The following MYO15B variants were observed in gnomAD, a reference collection of about 807,000 sequenced individuals.
MYO15B encodes myosin XVB.
Under a neutral mutation model 119.3 loss-of-function variants are expected in MYO15B, and 207 were observed. That is an observed-to-expected ratio of 1.73 (90% CI 1.55 to 1.95). The LOEUF (loss-of-function observed/expected upper bound fraction) is 1.95, where lower values mean the gene tolerates loss of function less well. MYO15B is among the 30% of genes most tolerant of loss of function. MYO15B has a pLI of 0.00. For synonymous variants in MYO15B, 966 were observed against 498.9 expected (o/e 1.94, Z -12.48); for missense variants, 2,264 against 1,203.1 (o/e 1.88, Z -13.04).
Position 75,595,155 on chromosome 17 carries a change from G to A in MYO15B, c.3297+183G>A, listed in dbSNP as rs114903833. 748 of 607,258 alleles carry A rather than the reference G, an allele frequency of 1.2e-3. 7 individuals carry two copies. The highest frequency in any genetic ancestry group is 0.012 in the African/African-American group (654 of 54,132). The allele number at this position is 607,258 out of a possible 1,614,324, so 37.6% of individuals were successfully genotyped here. A position where few individuals can be genotyped will look rare whatever the true frequency, so the allele number is the denominator to read the frequency against. ...GCCTGCTGGGGTGGGGTGCAGGGAT[G>A]GAGAGGTAAAGGAGTGGGGCTGCCT... On this transcript the variant is annotated intron_variant, in intron 12 of 63. Coordinates refer to ENST00000645453, the Ensembl canonical transcript of MYO15B.
Position 75,615,483 on chromosome 17 carries a change from G to A in MYO15B, c.5741-20G>A, listed in dbSNP as rs969131842. On this transcript the variant is annotated intron_variant, in intron 34 of 63. Transcript: ENST00000645453. ...GCTGGCCATGGTGCCCACCACTCTG[G>A]CCGCCTGCCGCCCTCACAGCCATGG... The A allele has an allele frequency of 4.4e-6, 3 of 680,828 alleles. No homozygotes were observed. Among genetic ancestry groups the A allele is most frequent in the Non-Finnish European group, 8.0e-6 (3 of 373,608 alleles). The allele number at this position is 680,828 out of a possible 1,614,324, so 42.2% of individuals were successfully genotyped here.
At chr17:75,608,418 C>T (rs566251473) in intron 21 of MYO15B, among the ~76,000 whole-genome samples, 25 of 151,902 alleles carry the variant, frequency 1.6e-4, no homozygotes, top group Non-Finnish European at 2.2e-4. Flanking sequence ...CCACTGCACC[C>T]GGCCTTTATT....
chr17:75,624,935 G>A lies in MYO15B; in HGVS notation c.8688+19G>A, dbSNP rs1283783266. 20 of 700,714 alleles carry A rather than the reference G, an allele frequency of 2.9e-5. No homozygotes were observed. In the East Asian group the frequency reaches 4.6e-4, roughly 16 times the overall value. 43.4% of individuals were successfully genotyped at this position (700,714 alleles called of 1,614,324 possible). A position where few individuals can be genotyped will look rare whatever the true frequency, so the allele number is the denominator to read the frequency against. The stretch of plus-strand genomic sequence containing the variant: ...CAGCCAGGTCAGCCTGCCTGCCTCC[G>A]AGCTGCTGCTGCAGTTTGAGGGCGC... On this transcript the variant is annotated intron_variant, in intron 59 of 63. Coordinates refer to ENST00000645453, the Ensembl canonical transcript of MYO15B.
intron 14 of MYO15B, among the ~76,000 whole-genome samples, chr17:75,598,738 AAG>A (rs2057049170): frequency 6.6e-6 from 1 of 152,166 alleles, no homozygotes; most frequent in Non-Finnish European, 1.5e-5. Context: ...CTAGATAATT[AAG>A]AGAGTGTTAA....
chr17:75,603,254 G>A (rs752416714), exon 19 of MYO15B: 46 of 702,994 alleles, frequency 6.5e-5, no homozygotes, highest in South Asian at 2.4e-4. Flanking sequence ...ACTGGAGGCC[G>A]TGGGCACCCG....
exon 47 of MYO15B, chr17:75,619,981 C>G (rs772140104): frequency 5.7e-6 from 4 of 702,786 alleles, no homozygotes; most frequent in Admixed American, 2.0e-5. Flanking sequence ...CAAGGGCCAT[C>G]GAGGCGCTGG....
At chr17:75,614,928 T>C in intron 32 of MYO15B, 33 bp from the exon 33 acceptor site, 1 of 702,966 alleles carries the variant, frequency 1.4e-6, no homozygotes, top group Non-Finnish European at 2.6e-6. Flanking sequence ...TTCTCAGGGC[T>C]CTCACTCTGA....
At chr17:75,618,370 C>G (rs1219379576) in intron 43 of MYO15B, among the ~76,000 whole-genome samples, 185 bp downstream of exon 43, 1 of 152,226 alleles carries the variant, frequency 6.6e-6, no homozygotes, top group Non-Finnish European at 1.5e-5. Context: ...AAGTAGGGAC[C>G]ATGGCCAGGT....
chr17:75,609,929 G>A (rs967808618), intron 21 of MYO15B, among the ~76,000 whole-genome samples: 1 of 151,932 alleles, frequency 6.6e-6, no homozygotes, highest in African/African-American at 2.4e-5. Flanking sequence ...GACCTCAAGT[G>A]ATCCACCCGC....
At chr17:75,614,523 C>T (rs554391180) in intron 30 of MYO15B, 60 bp from the exon 31 acceptor site, 14 of 685,040 alleles carry the variant, frequency 2.0e-5, no homozygotes, top group South Asian at 2.0e-4. Context: ...CTACCTCTTG[C>T]CCCAGCCTGG....
exon 1 of MYO15B, chr17:75,590,243 G>C: frequency 2.5e-6 from 1 of 399,104 alleles, no homozygotes; most frequent in Non-Finnish European, 4.4e-6. Context: ...GCGCGGTTGC[G>C]GTTAGCGGGC....
chr17:75,598,160 T>G (rs2056989961), intron 14 of MYO15B, among the ~76,000 whole-genome samples: 1 of 149,390 alleles, frequency 6.7e-6, no homozygotes, highest in African/African-American at 2.5e-5. Flanking sequence ...GAGCCAGGCA[T>G]GGGAGGCTGA....
chr17:75,614,010 C>T (rs1032497241), intron 29 of MYO15B, 189 bp from the exon 30 acceptor site: 2 of 599,862 alleles, frequency 3.3e-6, no homozygotes, highest in Admixed American at 2.9e-5. Context: ...TGCTGGAGCC[C>T]TTGTGGAAGT....
Position 75,610,150 on chromosome 17 carries a change from CT to C in MYO15B, c.4293-13del. On this transcript the variant is annotated splice_polypyrimidine_tract_variant and intron_variant, in intron 21 of 63. Transcript: ENST00000645453. ...TTGGACTCTTCATTTCGCCCCCGCT[CT>C]TTCCCGGCCTCCAGGAAGCGGTACC... is the stretch of plus-strand genomic sequence containing the variant. 1.4e-6 allele frequency: 1 copy of C among 695,212 alleles called. No individual in the cohort carries two copies. Among genetic ancestry groups the C allele is most frequent in the Non-Finnish European group, 2.6e-6 (1 of 380,112 alleles). The allele number at this position is 695,212 out of a possible 1,614,324, so 43.1% of individuals were successfully genotyped here. A position where few individuals can be genotyped will look rare whatever the true frequency, so the allele number is the denominator to read the frequency against.
Position 75,596,716 on chromosome 17 carries a change from T to C in MYO15B, c.3394-52T>C. 6 of 681,038 alleles carry C rather than the reference T, an allele frequency of 8.8e-6. No individual in the cohort carries two copies. The South Asian group carries it at 9.5e-5, about 11-fold the overall frequency. 42.2% of individuals were successfully genotyped at this position (681,038 alleles called of 1,614,324 possible). A position where few individuals can be genotyped will look rare whatever the true frequency, so the allele number is the denominator to read the frequency against. ...AGCCTCAATGTACTATTCTATAAGA[T>C]GGGAGGGTTATCCCTGCTCCTGCAA... On this transcript the variant is annotated intron_variant, in intron 13 of 63. Transcript: ENST00000645453.
intron 41 of MYO15B, chr17:75,617,576 A>ACCC: frequency 2.0e-6 from 1 of 502,292 alleles, no homozygotes. Context: ...TGAGGAAGTT[A>ACCC]GTGGCCCTGG....
chr17:75,624,785 C>T (rs1296010900), exon 59 of MYO15B: 29 of 702,834 alleles, frequency 4.1e-5, no homozygotes. Flanking sequence ...GCTGGTGCGG[C>T]CCCTGCAGCC....
At chr17:75,612,765 T>C (rs1041357375) in intron 25 of MYO15B, 33 bp from the exon 26 acceptor site, 7 of 702,682 alleles carry the variant, frequency 1.0e-5, no homozygotes, top group African/African-American at 8.7e-5. Context: ...TGATAGCTGG[T>C]GAGCATGGAC....
rs755959267 is a variant in MYO15B at position 75,625,679 on chromosome 17, G to A, written c.8938+19G>A. On this transcript the variant is annotated intron_variant, in intron 61 of 63. Coordinates refer to ENST00000645453, the Ensembl canonical transcript of MYO15B. ...TTCATTGGTGGGTCTGGGACTAGGG[G>A]ACCGCTGGGTGGGGGCTGGAGGCCA... 34 of 702,702 alleles carry A rather than the reference G, an allele frequency of 4.8e-5. No individual in the cohort carries two copies. Among genetic ancestry groups the A allele is most frequent in the South Asian group, 4.0e-4 (27 of 67,592 alleles). 43.5% of individuals were successfully genotyped at this position (702,702 alleles called of 1,614,324 possible).
Sources: allele counts gnomAD v4.1 joint callset (sites outside exome capture counted in the v4.1 genomes callset), GRCh38; gene constraint gnomAD v4.1.1; transcripts MANE v1.5; gene names NCBI Gene and HGNC (gene_info 2026-07-23, HGNC 2026-07-21).